Variants in FMN1 observed in about 807,000 individuals in gnomAD.
FMN1 encodes the protein formin-1.
FMN1 carries 110 observed loss-of-function variants against 132.4 expected under a neutral mutation model. The observed-to-expected ratio is 0.83, with a 90% CI of 0.71 to 0.97. The LOEUF is 0.97. Among genes scored for constraint, FMN1 ranks in the 50% least tolerant of loss-of-function variants. The pLI is 0.00. For synonymous variants in FMN1, 722 were observed against 651.7 expected, an observed-to-expected ratio of 1.11 and a Z score of -1.64; for missense variants, 1,792 against 1,705.3, an observed-to-expected ratio of 1.05 and a Z score of -0.90.
intron 4 of FMN1, among the ~76,000 whole-genome samples, chr15:33,121,510 A>G (rs1021795736): frequency 1.3e-4 from 20 of 152,120 alleles, no homozygotes; most frequent in African/African-American, 4.3e-4. Context: ...AGTAAAGTAC[A>G]TAGTTGACAA....
At chr15:32,867,857 T>C (rs567702995) in intron 16 of FMN1, among the ~76,000 whole-genome samples, 2 of 152,332 alleles carry the variant, frequency 1.3e-5, no homozygotes, top group East Asian at 1.9e-4. Flanking sequence ...CATAGCACTG[T>C]ATACCTTTCC....
intron 17 of FMN1, among the ~76,000 whole-genome samples, chr15:32,836,393 T>C (rs1018927024): frequency 2.0e-5 from 3 of 152,186 alleles, no homozygotes; most frequent in Non-Finnish European, 4.4e-5. Flanking sequence ...TTTAGGAGGA[T>C]AGTATAGTTC....
rs1567151897 is a variant in FMN1 at position 32,778,203 on chromosome 15, TATTTATATATTATATAATACATTTA to T, written c.4131-1309_4131-1285del. Among the ~76,000 whole-genome samples the T allele has an allele frequency of 2.2e-5, 3 of 135,384 alleles. No individual in the cohort carries two copies. The East Asian group carries it at 7.1e-4, about 32-fold the overall frequency. 88.8% of individuals were successfully genotyped at this position (135,384 alleles called of 152,430 possible). A position where few individuals can be genotyped will look rare whatever the true frequency, so the allele number is the denominator to read the frequency against. ...TTATTTATATATTATATAATACATTTATTTATATATTATATAATACATTTATTTATATATTATATAATACATATAT... is the reference window on the plus strand; with the variant it reads ...TTATTTATATATTATATAATACATTTTTTATATATTATATAATACATATAT... On this transcript the variant is annotated intron_variant, in intron 19 of 20. Transcript: ENST00000616417.
chr15:32,851,256 T>G (rs867048492), intron 17 of FMN1, among the ~76,000 whole-genome samples: 1 of 152,168 alleles, frequency 6.6e-6, no homozygotes, highest in East Asian at 1.9e-4. Context: ...GTGCTGGGAT[T>G]AGAGCTAGTT....
intron 17 of FMN1, among the ~76,000 whole-genome samples, chr15:32,836,677 C>T (rs1014254774): frequency 3.9e-5 from 6 of 152,156 alleles, no homozygotes; most frequent in African/African-American, 1.4e-4. Flanking sequence ...CTTGAGCATA[C>T]ATCTCCCTCA....
chr15:33,085,579 T>C (rs1269689877), intron 5 of FMN1, among the ~76,000 whole-genome samples: 3 of 149,418 alleles, frequency 2.0e-5, no homozygotes, highest in Non-Finnish European at 4.4e-5. Context: ...GCATAATTTA[T>C]ATATCATATA....
intron 18 of FMN1, among the ~76,000 whole-genome samples, chr15:32,803,026 ACAGTGGGAAG>A (rs1401768302): frequency 1.3e-5 from 2 of 152,210 alleles, no homozygotes; most frequent in Non-Finnish European, 2.9e-5. Context: ...ATTGGTAATT[ACAGTGGGAAG>A]CAGGGCAAGA....
At chr15:33,078,030 T>C (rs1294968627) in intron 5 of FMN1, among the ~76,000 whole-genome samples, 2 of 151,184 alleles carry the variant, frequency 1.3e-5, no homozygotes, top group East Asian at 3.9e-4. Flanking sequence ...ACACCAATTC[T>C]TAAACAGAGA....
At chr15:33,121,567 T>C (rs1481924243) in intron 4 of FMN1, among the ~76,000 whole-genome samples, 1 of 152,214 alleles carries the variant, frequency 6.6e-6, no homozygotes, top group Non-Finnish European at 1.5e-5. Flanking sequence ...TCTTGCTCTG[T>C]CGCCAGGGTA....
chr15:32,833,047 T>C (rs1212209605), intron 17 of FMN1, among the ~76,000 whole-genome samples: 2 of 152,072 alleles, frequency 1.3e-5, no homozygotes, highest in African/African-American at 4.8e-5. Context: ...ACTCCTCCTT[T>C]CTCCCCTCCT....
At chr15:33,104,354 T>G (rs2039403129) in intron 4 of FMN1, among the ~76,000 whole-genome samples, 1 of 152,192 alleles carries the variant, frequency 6.6e-6, no homozygotes, top group South Asian at 2.1e-4. Flanking sequence ...TTGCCAAATT[T>G]TCACGATTTA....
At chr15:33,108,259 T>C (rs960251208) in intron 4 of FMN1, among the ~76,000 whole-genome samples, 1 of 152,108 alleles carries the variant, frequency 6.6e-6, no homozygotes, top group South Asian at 2.1e-4. Flanking sequence ...GATATGAAAC[T>C]CAATCAGACA....
At chr15:33,119,086 T>G (rs1962305238) in intron 4 of FMN1, among the ~76,000 whole-genome samples, 1 of 152,212 alleles carries the variant, frequency 6.6e-6, no homozygotes, top group Non-Finnish European at 1.5e-5. Context: ...ACTTTTCAGC[T>G]AGAATTCTTC....
intron 5 of FMN1, chr15:33,067,737 G>T (rs745533181): frequency 6.2e-7 from 1 of 1,613,942 alleles, no homozygotes; most frequent in Non-Finnish European, 8.5e-7. Context: ...TCCTCTTCTG[G>T]ATTCACAGAT....
At chr15:32,846,604 T>C (rs2058862704) in intron 17 of FMN1, among the ~76,000 whole-genome samples, 1 of 152,218 alleles carries the variant, frequency 6.6e-6, no homozygotes, top group Non-Finnish European at 1.5e-5. Flanking sequence ...GCTTTTACAC[T>C]GTTGGTGGGA....
chr15:33,165,037 A>G (rs1202765672), intron 3 of FMN1, among the ~76,000 whole-genome samples: 9 of 152,192 alleles, frequency 5.9e-5, no homozygotes. Context: ...TATGAATTCT[A>G]TCTAACTATG....
At chr15:32,795,121 G>A (rs2140961198) in intron 19 of FMN1, among the ~76,000 whole-genome samples, 1 of 152,304 alleles carries the variant, frequency 6.6e-6, no homozygotes, top group South Asian at 2.1e-4. Flanking sequence ...GATTGCTTGA[G>A]CCCAGGAGGT....
At chr15:33,054,468 C>CA (rs1469079168) in intron 6 of FMN1, among the ~76,000 whole-genome samples, 2 of 151,820 alleles carry the variant, frequency 1.3e-5, no homozygotes, top group Admixed American at 1.3e-4. Flanking sequence ...TGCCCTTCCG[C>CA]AAAAAAACTT....
intron 17 of FMN1, among the ~76,000 whole-genome samples, chr15:32,824,737 G>A (rs1290688956): frequency 6.6e-6 from 1 of 152,166 alleles, no homozygotes; most frequent in African/African-American, 2.4e-5. Flanking sequence ...GGGACTACAG[G>A]TGTGAGCCAC....
Sources: gnomAD v4.1 joint callset for allele counts (sites outside exome capture counted in the v4.1 genomes callset) on GRCh38, gnomAD v4.1.1 for gene constraint, MANE v1.5 for transcripts, NCBI Gene and HGNC (gene_info 2026-07-23, HGNC 2026-07-21) for gene names.